CHRNA7: variants seen among roughly 807,000 people sequenced by gnomAD.
CHRNA7 encodes the protein cholinergic receptor nicotinic alpha 7 subunit.
Under a neutral mutation model 48.0 loss-of-function variants are expected in CHRNA7, and 17 were observed. The ratio of observed to expected loss-of-function variants is 0.35; its 90% CI spans 0.24 to 0.53. The LOEUF (loss-of-function observed/expected upper bound fraction) is 0.53, where lower values mean the gene tolerates loss of function less well. CHRNA7 is among the 20% of genes least tolerant of loss of function. CHRNA7 has a pLI of 0.92. For missense variants in CHRNA7, 155 were observed against 577.7 expected, an observed-to-expected ratio of 0.27 and a Z score of 7.50; for synonymous variants, 75 against 242.3, an observed-to-expected ratio of 0.31 and a Z score of 6.41.
chr15:32,143,005 G>A (rs543159442), intron 4 of CHRNA7, among the ~76,000 whole-genome samples: 22 of 152,020 alleles, frequency 1.4e-4, no homozygotes, highest in Admixed American at 3.3e-4. Context: ...TTTTCATTGC[G>A]ATGTTAGGAT....
intron 2 of CHRNA7, among the ~76,000 whole-genome samples, chr15:32,072,813 T>C (rs1203691978): frequency 6.6e-6 from 1 of 152,190 alleles, no homozygotes; most frequent in East Asian, 1.9e-4. Flanking sequence ...GTGCACAGAA[T>C]GCAAAATTGA....
intron 2 of CHRNA7, among the ~76,000 whole-genome samples, chr15:32,054,252 G>A (rs2049744234): frequency 6.6e-6 from 1 of 152,162 alleles, no homozygotes; most frequent in East Asian, 1.9e-4. Flanking sequence ...GGGTAAGGCT[G>A]CTCACTGATT....
rs773004439 is a variant in CHRNA7, at chr15:32,112,360, G to T, written c.350+461G>T. 11 of 457,272 alleles carry T rather than the reference G, an allele frequency of 2.4e-5. 1 individual carries two copies. The highest frequency in any genetic ancestry group is 1.5e-4 in the South Asian group (10 of 64,574). 28.3% of individuals were successfully genotyped at this position (457,272 alleles called of 1,614,324 possible). A position where few individuals can be genotyped will look rare whatever the true frequency, so the allele number is the denominator to read the frequency against. Reference sequence around the variant, plus strand: ...GGAGAGTTCTGTGGCAGAGATGGCTGCAGGTGAGCGTGAGGACTGTCATCT... The same window carrying T: ...GGAGAGTTCTGTGGCAGAGATGGCTTCAGGTGAGCGTGAGGACTGTCATCT... On this transcript the variant is annotated intron_variant, in intron 4 of 9. Transcript: ENST00000306901.
chr15:32,053,644 G>A (rs938743786), intron 2 of CHRNA7, among the ~76,000 whole-genome samples: 1 of 152,194 alleles, frequency 6.6e-6, no homozygotes, highest in Non-Finnish European at 1.5e-5. Context: ...AAGGTATCAT[G>A]TACTATGCTA....
At chr15:32,139,316 A>G (rs535977330) in intron 4 of CHRNA7, among the ~76,000 whole-genome samples, 3 of 152,258 alleles carry the variant, frequency 2.0e-5, no homozygotes, top group South Asian at 4.1e-4. Flanking sequence ...TAAAGCTGCT[A>G]TCAACATATG....
chr15:32,077,735 C>T (rs2050156181), intron 2 of CHRNA7, among the ~76,000 whole-genome samples: 1 of 152,106 alleles, frequency 6.6e-6, no homozygotes, highest in Non-Finnish European at 1.5e-5. Flanking sequence ...TCATCTGCTT[C>T]TGATGAGGGC....
intron 2 of CHRNA7, among the ~76,000 whole-genome samples, chr15:32,043,909 A>T (rs1595377793): frequency 6.6e-6 from 1 of 152,120 alleles, no homozygotes. Context: ...ATATTGCCTA[A>T]TTTTTGTGTG....
chr15:32,144,320 G>A (rs1277049351), intron 4 of CHRNA7, among the ~76,000 whole-genome samples: 1 of 152,162 alleles, frequency 6.6e-6, no homozygotes, highest in Non-Finnish European at 1.5e-5. Context: ...TGGGTAACCC[G>A]ACTTTTCCCT....
chr15:32,049,473 G>A (rs1055196535), intron 2 of CHRNA7, among the ~76,000 whole-genome samples: 40 of 152,094 alleles, frequency 2.6e-4, no homozygotes, highest in Non-Finnish European at 1.6e-4. Flanking sequence ...TGCAACCCCT[G>A]CCCTTTTTTG....
intron 2 of CHRNA7, among the ~76,000 whole-genome samples, chr15:32,047,949 T>C (rs1365219742): frequency 5.9e-5 from 9 of 152,176 alleles, no homozygotes; most frequent in African/African-American, 1.7e-4. Context: ...TTGTCTTTGG[T>C]TCTGTTTATA....
At chr15:32,065,999 T>C (rs191848265) in intron 2 of CHRNA7, among the ~76,000 whole-genome samples, 2 of 152,068 alleles carry the variant, frequency 1.3e-5, no homozygotes, top group Non-Finnish European at 2.9e-5. Flanking sequence ...CTGCAAACAC[T>C]GGGGACAGAG....
intron 4 of CHRNA7, among the ~76,000 whole-genome samples, chr15:32,118,328 G>A (rs1316441093): frequency 2.0e-5 from 3 of 152,236 alleles, no homozygotes; most frequent in African/African-American, 7.2e-5. Flanking sequence ...CAGGCATCCT[G>A]TTATAAGCAA....
chr15:32,097,655 G>A (rs959988493), intron 2 of CHRNA7, among the ~76,000 whole-genome samples: 5 of 152,210 alleles, frequency 3.3e-5, no homozygotes, highest in African/African-American at 9.7e-5. Context: ...ATTAAACATA[G>A]AGTCTGTGCT....
intron 2 of CHRNA7, among the ~76,000 whole-genome samples, chr15:32,088,837 A>G (rs935244166): frequency 6.6e-6 from 1 of 152,106 alleles, no homozygotes; most frequent in African/African-American, 2.4e-5. Flanking sequence ...TCAGAGATGT[A>G]TTTTGTAAAA....
At chr15:32,128,706 C>T (rs2051108950) in intron 4 of CHRNA7, among the ~76,000 whole-genome samples, 1 of 151,646 alleles carries the variant, frequency 6.6e-6, no homozygotes. Flanking sequence ...CATCATGTCA[C>T]CTGAAAATAG....
intron 4 of CHRNA7, among the ~76,000 whole-genome samples, chr15:32,143,050 G>A (rs1427897733): frequency 1.3e-5 from 2 of 152,042 alleles, no homozygotes; most frequent in African/African-American, 2.4e-5. Flanking sequence ...TCTCTTGTGG[G>A]CATTTAGTGC....
chr15:32,168,760 CCCAT>C lies in CHRNA7; in HGVS notation c.*303_*306del. ...GCCTGGAAAGCCCTTCGGAGAGCTC[CCCAT>C]GGCTCCTCACCACCGAGACAGTTGG... On this transcript the variant is annotated 3_prime_UTR_variant, in exon 10 of 10. Coordinates refer to ENST00000306901, the MANE Select transcript of CHRNA7 (RefSeq NM_000746.6). The C allele has an allele frequency of 4.4e-3, 96 of 21,874 alleles. No individual in the cohort carries two copies. The highest frequency in any genetic ancestry group is 0.017 in the Middle Eastern group (2 of 118). 1.4% of individuals were successfully genotyped at this position (21,874 alleles called of 1,614,324 possible). A position where few individuals can be genotyped will look rare whatever the true frequency, so the allele number is the denominator to read the frequency against.
intron 3 of CHRNA7, among the ~76,000 whole-genome samples, chr15:32,103,567 C>T (rs1017378696): frequency 2.0e-5 from 3 of 152,120 alleles, no homozygotes; most frequent in East Asian, 1.9e-4. Flanking sequence ...TTTAAAGCAG[C>T]ATACTTCAGT....
chr15:32,057,525 T>G (rs920565148), intron 2 of CHRNA7, among the ~76,000 whole-genome samples: 2 of 152,216 alleles, frequency 1.3e-5, no homozygotes, highest in Admixed American at 1.3e-4. Flanking sequence ...ATAGCTAATA[T>G]ATTCACTGAA....
Sources: allele counts gnomAD v4.1 joint callset (sites outside exome capture counted in the v4.1 genomes callset), GRCh38; gene constraint gnomAD v4.1.1; transcripts MANE v1.5; gene names NCBI Gene and HGNC (gene_info 2026-07-23, HGNC 2026-07-21).